Variants in HNRNPU observed in about 807,000 individuals in gnomAD.
HNRNPU encodes the protein heterogeneous nuclear ribonucleoprotein U, also known as HNRNPU antisense RNA 1.
HNRNPU carries 5 observed loss-of-function variants against 94.7 expected under a neutral mutation model. The ratio of observed to expected loss-of-function variants is 0.05; its 90% confidence interval spans 0.03 to 0.11. HNRNPU has a LOEUF of 0.11. Ranked by LOEUF, HNRNPU falls within the 10% of genes least tolerant of loss-of-function variation. The pLI, the probability that HNRNPU is intolerant of heterozygous loss-of-function variation, is 1.00. For synonymous variants in HNRNPU, 434 were observed against 381.6 expected, an observed-to-expected ratio of 1.14 and a Z score of -1.60; for missense variants, 710 against 1,049.2, an observed-to-expected ratio of 0.68 and a Z score of 4.47.
intron 3 of HNRNPU, chr1:244,861,552 C>G (rs1680829589): frequency 6.6e-6 from 1 of 152,190 alleles, no homozygotes; most frequent in Non-Finnish European, 1.5e-5. Context: ...TACATTGACA[C>G]TCTTACAAAT....
In HNRNPU at chr1:244,852,804, TACCAAAGCAACCTAAAAAC is replaced by T. The variant is rs1421625903; in HGVS notation, c.*1627_*1645del. The T allele has an allele frequency of 1.3e-5, 2 of 152,444 alleles. No homozygotes were observed. The highest frequency in any genetic ancestry group is 1.3e-4 in the Admixed American group (2 of 15,270). 9.4% of individuals were successfully genotyped at this position (152,444 alleles called of 1,614,324 possible). On this transcript the variant is annotated 3_prime_UTR_variant, in exon 14 of 14. Transcript: ENST00000640218. ...ATCAGAAATATAGCAAACCTAAACTTACCAAAGCAACCTAAAAACACCAAGGAAACGCTAGACTGAAGTC... is the reference window on the plus strand; with the variant it reads ...ATCAGAAATATAGCAAACCTAAACTTACCAAGGAAACGCTAGACTGAAGTC...
At chr1:244,857,142 C>A (rs1680701794) in intron 8 of HNRNPU, 4 of 290,224 alleles carry the variant, frequency 1.4e-5, no homozygotes, top group Non-Finnish European at 1.9e-5. Context: ...AAAGAACCAA[C>A]TTAATCTTGC....
chr1:244,863,414 A>ACC (rs1341173453), intron 1 of HNRNPU, among the ~76,000 whole-genome samples: 2 of 143,220 alleles, frequency 1.4e-5, no homozygotes, highest in Non-Finnish European at 3.1e-5. Context: ...ACACACACAC[A>ACC]CACACACGCG....
chr1:244,858,299 A>C (rs764050547), intron 6 of HNRNPU, 25 bp from the exon 7 acceptor site: 4 of 1,598,706 alleles, frequency 2.5e-6, no homozygotes, highest in Non-Finnish European at 3.4e-6. Context: ...AAAATTCAAC[A>C]GTTAAAATCT....
chr1:244,856,414 TA>T (rs1163755229), intron 10 of HNRNPU, 42 bp downstream of exon 10: 47 of 1,563,526 alleles, frequency 3.0e-5, no homozygotes, highest in Non-Finnish European at 3.8e-5. Flanking sequence ...AACATTCTTT[TA>T]AAAAGAAGAT....
intron 8 of HNRNPU, 121 bp downstream of exon 8, chr1:244,857,477 C>T (rs1481984077): frequency 9.8e-7 from 1 of 1,018,732 alleles, no homozygotes; most frequent in Non-Finnish European, 1.4e-6. Flanking sequence ...AAACTCCTGA[C>T]CTCAGGTGAT....
At chr1:244,863,547 G>T in intron 1 of HNRNPU, 70 bp downstream of exon 1, 1 of 1,275,874 alleles carries the variant, frequency 7.8e-7, no homozygotes, top group Non-Finnish European at 9.8e-7. Flanking sequence ...CGGGGCTCCG[G>T]CAGGCCTGGG....
chr1:244,860,701 G>T (rs1680802667), intron 3 of HNRNPU: 1 of 562,006 alleles, frequency 1.8e-6, no homozygotes. Context: ...TAATACCAAG[G>T]TTTAACATGT....
rs752642837 is a variant in HNRNPU, at chr1:244,863,625, G to C, written c.683C>G (p.Pro228Arg). 8.5e-6 allele frequency: 13 copies of C among 1,526,882 alleles called. No homozygotes were observed. Among genetic ancestry groups the C allele is most frequent in the Non-Finnish European group, 1.1e-5 (13 of 1,151,694 alleles). 94.6% of individuals were successfully genotyped at this position (1,526,882 alleles called of 1,614,324 possible). ...GGGGGGRPGA[P>R]AAGDGKTEQK... ...TACAACGCAGCACTCACCCGCCGCC[G>C]GAGCCCCGGGGCGACCGCCGCCTCC... Residue 228 changes from proline to arginine, a missense_variant, in exon 1 of 14, where the codon CCG becomes CGG. By Grantham distance (103) the Pro-to-Arg change is moderately radical (BLOSUM62 -2). Transcript: ENST00000640218.
intron 5 of HNRNPU, 115 bp from the exon 6 acceptor site, chr1:244,858,956 G>A (rs1227576082): frequency 4.9e-6 from 3 of 617,372 alleles, no homozygotes; most frequent in Non-Finnish European, 8.5e-6. Context: ...CTAATCACCT[G>A]TCACTGACAC....
chr1:244,858,750 A>G lies in HNRNPU; in HGVS notation c.1209T>C (p.Asn403=). The G allele has an allele frequency of 1.9e-6, 3 of 1,583,548 alleles. No homozygotes were observed. The highest frequency in any genetic ancestry group is 2.6e-6 in the Non-Finnish European group (3 of 1,152,842). ...TEDYGEKFDE[N]DVITCFANFE... ...TTACAGCAAAACATGTAATCACATCATTTTCATCAAACTTTTCTCCATAAT... is the reference window on the plus strand; with the variant it reads ...TTACAGCAAAACATGTAATCACATCGTTTTCATCAAACTTTTCTCCATAAT... Residue 403 remains asparagine, a synonymous_variant, in exon 6 of 14, where the codon AAT becomes AAC. Transcript: ENST00000640218.
Position 244,856,722 on chromosome 1 carries a change from GC to G in HNRNPU, c.1743+5del, listed in dbSNP as rs2102985849. 1 of 1,610,766 alleles carries G rather than the reference GC, an allele frequency of 6.2e-7. No homozygotes were observed. The highest frequency in any genetic ancestry group is 8.5e-7 in the Non-Finnish European group (1 of 1,179,038). On this transcript the variant is annotated splice_donor_5th_base_variant and intron_variant, in intron 9 of 13. Transcript: ENST00000640218. Reference sequence around the variant, plus strand: ...AATATTTTTCAATTTCAAAGCTACAGCGTACCTGATCCAGAATAAAATTTCG... The same window carrying G: ...AATATTTTTCAATTTCAAAGCTACAGGTACCTGATCCAGAATAAAATTTCG...
At chr1:244,863,291 C>G (rs1482198962) in intron 1 of HNRNPU, among the ~76,000 whole-genome samples, 1 of 150,482 alleles carries the variant, frequency 6.6e-6, no homozygotes, top group East Asian at 2.0e-4. Flanking sequence ...CACCGCGGGC[C>G]GACCGGGCTC....
rs774200033 is a variant in HNRNPU, at chr1:244,862,735, AAC to A, written c.692-7_692-6del. ...TCTGTTCTGTTTTGCCGTCCCCTAA[AAC>A]ACACACGAGCCCCATAAAGGCCAAG... On this transcript the variant is annotated splice_region_variant and splice_polypyrimidine_tract_variant and intron_variant, in intron 1 of 13. Coordinates refer to ENST00000640218, the MANE Select transcript of HNRNPU (RefSeq NM_031844.3). 8 of 1,607,652 alleles carry A rather than the reference AAC, an allele frequency of 5.0e-6. No homozygotes were observed. In the East Asian group the frequency reaches 6.7e-5, roughly 13 times the overall value.
At chr1:244,862,395 T>TA (rs56937404) in intron 3 of HNRNPU, 66 bp downstream of exon 3, 307,443 of 789,392 alleles carry the variant, frequency 0.39, 25,596 homozygotes, top group East Asian at 0.47. Flanking sequence ...TTAAGACTTC[T>TA]AAAAAAAAAA....
Position 244,851,782 on chromosome 1 carries a change from G to GT in HNRNPU, c.*2667dup, listed in dbSNP as rs2102982781. 6.6e-6 allele frequency: 1 copy of GT among 152,298 alleles called. No individual in the cohort carries two copies. The highest frequency in any genetic ancestry group is 1.9e-4 in the East Asian group (1 of 5,192). The allele number at this position is 152,298 out of a possible 1,614,324, so 9.4% of individuals were successfully genotyped here. On this transcript the variant is annotated 3_prime_UTR_variant, in exon 14 of 14. Coordinates refer to ENST00000640218, the MANE Select transcript of HNRNPU (RefSeq NM_031844.3). The stretch of plus-strand genomic sequence containing the variant: ...TCAGAGCCAGAGCCCTTCAAAGGCT[G>GT]TATGTGAGTATATGAGGGAAAACTT...
Position 244,863,621 on chromosome 1 carries a change from C to G in HNRNPU, c.687G>C (p.Ala229=), listed in dbSNP as rs759259042. ...GGGGGRPGAP[A]AGDGKTEQKG... Reference sequence around the variant, plus strand: ...AACGTACAACGCAGCACTCACCCGCCGCCGGAGCCCCGGGGCGACCGCCGC... The same window carrying G: ...AACGTACAACGCAGCACTCACCCGCGGCCGGAGCCCCGGGGCGACCGCCGC... Residue 229 remains alanine, a synonymous_variant, in exon 1 of 14, where the codon GCG becomes GCC. Coordinates refer to ENST00000640218, the MANE Select transcript of HNRNPU (RefSeq NM_031844.3). 2 of 1,521,682 alleles carry G rather than the reference C, an allele frequency of 1.3e-6. No homozygotes were observed. Among genetic ancestry groups the G allele is most frequent in the Non-Finnish European group, 1.7e-6 (2 of 1,149,370 alleles). The allele number at this position is 1,521,682 out of a possible 1,614,324, so 94.3% of individuals were successfully genotyped here.
At position 244,855,616 on chromosome 1, in the gene HNRNPU, A is replaced by C. The variant is rs1680658577; in HGVS notation, c.2168-8T>G. ...CGCCACGATTCCCAGGGGCTAAAAG[A>C]CAAGAGCTGTTTTAGTTTCATTGTA... On this transcript the variant is annotated splice_region_variant and splice_polypyrimidine_tract_variant and intron_variant, in intron 11 of 13. Coordinates refer to ENST00000640218, the MANE Select transcript of HNRNPU (RefSeq NM_031844.3). The C allele has an allele frequency of 3.7e-6, 6 of 1,613,798 alleles. No homozygotes were observed. Among genetic ancestry groups the C allele is most frequent in the Non-Finnish European group, 5.1e-6 (6 of 1,179,814 alleles).
Position 244,854,444 on chromosome 1 carries a change from G to C in HNRNPU, c.*6C>G. The C allele has an allele frequency of 6.4e-7, 1 of 1,563,104 alleles. No homozygotes were observed. Among genetic ancestry groups the C allele is most frequent in the Non-Finnish European group, 8.8e-7 (1 of 1,134,460 alleles). On this transcript the variant is annotated 3_prime_UTR_variant, in exon 14 of 14. Coordinates refer to ENST00000640218, the MANE Select transcript of HNRNPU (RefSeq NM_031844.3). ...AAATATGTATCAGTTCGTTTTATTT[G>C]GGTATTCAATAATATCCTTGGTGAT...
Sources: gnomAD v4.1 joint callset for allele counts (sites outside exome capture counted in the v4.1 genomes callset) on GRCh38, gnomAD v4.1.1 for gene constraint, MANE v1.5 for transcripts, NCBI Gene and HGNC (gene_info 2026-07-23, HGNC 2026-07-21) for gene names.